The following COL4A6 variants were observed in gnomAD, a reference collection of about 807,000 sequenced individuals.
The protein encoded by COL4A6 is collagen alpha-6(IV) chain.
COL4A6 carries 59 observed loss-of-function variants against 126.7 expected under a neutral mutation model. The ratio of observed to expected loss-of-function variants is 0.47; its 90% confidence interval spans 0.38 to 0.58. The LOEUF (loss-of-function observed/expected upper bound fraction) is 0.58, where lower values mean the gene tolerates loss of function less well. Ranked by LOEUF, COL4A6 falls within the 20% of genes least tolerant of loss-of-function variation. The pLI, the probability that COL4A6 is intolerant of heterozygous loss-of-function variation, is 0.00. For missense variants in COL4A6, 1,285 were observed against 1,337.3 expected (o/e 0.96, Z 0.61); for synonymous variants, 547 against 496.6 (o/e 1.10, Z -1.35).
chrX:108,168,410 C>T (rs999326337), intron 37 of COL4A6, among the ~76,000 whole-genome samples: 1 of 111,898 alleles, frequency 8.9e-6, no homozygotes, highest in Non-Finnish European at 1.9e-5. Context: ...TAAAATGCAG[C>T]AGGAAATGAA....
In COL4A6 at chrX:108,431,757, T is replaced by C. The variant is rs184142870; in HGVS notation, c.63+6185A>G. Among the ~76,000 whole-genome samples the C allele has an allele frequency of 2.7e-5, 3 of 111,534 alleles. No individual in the cohort carries two copies. In the Admixed American group the frequency reaches 2.9e-4, roughly 11 times the overall value. On this transcript the variant is annotated intron_variant, in intron 2 of 44. Coordinates refer to ENST00000334504, the MANE Select transcript of COL4A6 (RefSeq NM_033641.4). ...GTCCCAGTGGATAAGCTAGGGAAGATCTGCCCTCAATGTGGGCTGGCACCA... is the reference window on the plus strand; with the variant it reads ...GTCCCAGTGGATAAGCTAGGGAAGACCTGCCCTCAATGTGGGCTGGCACCA...
At chrX:108,171,319 A>G (rs769381252) in intron 33 of COL4A6, 68 bp downstream of exon 33, 18 of 1,016,042 alleles carry the variant, frequency 1.8e-5, no homozygotes, top group Middle Eastern at 2.6e-4. Context: ...TTGACCTCCA[A>G]AATTCCTTCT....
intron 21 of COL4A6, among the ~76,000 whole-genome samples, chrX:108,188,256 T>C: frequency 8.9e-6 from 1 of 112,096 alleles, no homozygotes; most frequent in East Asian, 2.8e-4. Flanking sequence ...TTTATCTTCA[T>C]GGGCCAGCAC....
chrX:108,256,869 G>A (rs1032899123), intron 3 of COL4A6, among the ~76,000 whole-genome samples: 1 of 111,832 alleles, frequency 8.9e-6, no homozygotes, highest in Non-Finnish European at 1.9e-5. Context: ...AGTGTGGAAT[G>A]AGAGGAAAAT....
At chrX:108,245,610 C>T (rs1569378447) in intron 3 of COL4A6, among the ~76,000 whole-genome samples, 1 of 111,593 alleles carries the variant, frequency 9.0e-6, no homozygotes, top group East Asian at 2.8e-4. Flanking sequence ...TGCACTTGAG[C>T]CACCTCGAAA....
intron 2 of COL4A6, among the ~76,000 whole-genome samples, chrX:108,386,544 G>A (rs769917757): frequency 1.5e-4 from 17 of 111,538 alleles, no homozygotes; most frequent in South Asian, 3.7e-4. Flanking sequence ...TGTTCATATC[G>A]TTCGCCCACG....
intron 37 of COL4A6, among the ~76,000 whole-genome samples, chrX:108,167,722 T>TA (rs2034175880): frequency 9.0e-6 from 1 of 111,079 alleles, no homozygotes; most frequent in Admixed American, 9.6e-5. Context: ...GGGGGTGGGG[T>TA]GGGGCGTGGT....
At position 108,187,121 on chromosome X, in the gene COL4A6, T is replaced by A. The variant is rs2094814692; in HGVS notation, c.1926A>T (p.Gly642=). 8.5e-7 allele frequency: 1 copy of A among 1,170,649 alleles called. No individual in the cohort carries two copies. Among genetic ancestry groups the A allele is most frequent in the Non-Finnish European group, 1.1e-6 (1 of 870,974 alleles). ...CCTTAGATCCGGGAAGGCCTTGTTG[T>A]CCCGGTAATCCATCCTTGCCTTTAT... The part of the protein sequence containing the change: ...PGDKGKDGLP[G]QQGLPGSKGI... Residue 642 remains glycine, a synonymous_variant, in exon 23 of 45, where the codon GGA becomes GGT. Coordinates refer to ENST00000334504, the MANE Select transcript of COL4A6 (RefSeq NM_033641.4).
chrX:108,322,662 CAG>C (rs2039058393), intron 2 of COL4A6, among the ~76,000 whole-genome samples: 1 of 112,069 alleles, frequency 8.9e-6, no homozygotes, highest in South Asian at 3.7e-4. Context: ...GTTCTTAAAA[CAG>C]AAGCCTCTTT....
At chrX:108,348,291 T>C (rs2039758367) in intron 2 of COL4A6, among the ~76,000 whole-genome samples, 1 of 111,777 alleles carries the variant, frequency 8.9e-6, no homozygotes, top group Admixed American at 9.5e-5. Flanking sequence ...GACCTGTACA[T>C]GGAAGATAAT....
intron 2 of COL4A6, among the ~76,000 whole-genome samples, chrX:108,401,972 G>A (rs1733031880): frequency 9.0e-6 from 1 of 111,542 alleles, no homozygotes; most frequent in South Asian, 3.7e-4. Flanking sequence ...AACATGTCAT[G>A]ATAGATTTTC....
At chrX:108,378,159 A>G (rs2040485744) in intron 2 of COL4A6, among the ~76,000 whole-genome samples, 1 of 110,700 alleles carries the variant, frequency 9.0e-6, no homozygotes, top group South Asian at 3.8e-4. Context: ...ATGGGATCAT[A>G]AATAATTTCC....
At chrX:108,378,881 A>G (rs982668834) in intron 2 of COL4A6, among the ~76,000 whole-genome samples, 2 of 112,653 alleles carry the variant, frequency 1.8e-5, no homozygotes, top group African/African-American at 6.5e-5. Context: ...GTGCTCAACA[A>G]CAGAGATAAG....
intron 2 of COL4A6, among the ~76,000 whole-genome samples, chrX:108,327,428 G>A (rs1445058044): frequency 1.1e-5 from 1 of 88,069 alleles, no homozygotes; most frequent in African/African-American, 4.3e-5. Context: ...GTCCCCAACC[G>A]GTCCTGGGGG....
intron 2 of COL4A6, among the ~76,000 whole-genome samples, chrX:108,427,154 G>A (rs2064101385): frequency 8.9e-6 from 1 of 111,774 alleles, no homozygotes; most frequent in Non-Finnish European, 1.9e-5. Flanking sequence ...TTAGGTAAAT[G>A]CTCTGAGGAG....
At chrX:108,217,529 C>T (rs1019596142) in intron 5 of COL4A6, among the ~76,000 whole-genome samples, 13 of 110,587 alleles carry the variant, frequency 1.2e-4, no homozygotes, top group East Asian at 2.9e-4. Flanking sequence ...CTGAGAGGAA[C>T]GGAAGATATA....
intron 3 of COL4A6, among the ~76,000 whole-genome samples, chrX:108,236,354 G>A (rs930642638): frequency 3.6e-5 from 4 of 111,003 alleles, no homozygotes; most frequent in African/African-American, 9.8e-5. Flanking sequence ...TACGGGGGTG[G>A]GAGAAGCTCT....
At chrX:108,159,351 T>G in intron 44 of COL4A6, 111 bp downstream of exon 44, 1 of 899,183 alleles carries the variant, frequency 1.1e-6, no homozygotes, top group Non-Finnish European at 1.6e-6. Context: ...AGTCCAAGCA[T>G]TTCTCTTCTT....
intron 2 of COL4A6, among the ~76,000 whole-genome samples, chrX:108,317,265 T>G (rs2147929357): frequency 8.9e-6 from 1 of 112,394 alleles, no homozygotes; most frequent in Non-Finnish European, 1.9e-5. Context: ...ACTAGGCAAC[T>G]ACAAGGATGC....
Sources: gnomAD v4.1 joint callset for allele counts (sites outside exome capture counted in the v4.1 genomes callset) on GRCh38, gnomAD v4.1.1 for gene constraint, MANE v1.5 for transcripts, NCBI Gene and HGNC (gene_info 2026-07-23, HGNC 2026-07-21) for gene names.